Variants in MARCHF4 observed in about 807,000 individuals in gnomAD.
The protein encoded by MARCHF4 is membrane associated ring-CH-type finger 4, also known as E3 ubiquitin-protein ligase MARCHF4.
In MARCHF4, 14 loss-of-function variants were observed where a neutral mutation model predicts 43.9. That is an observed-to-expected ratio of 0.32 (90% CI 0.21 to 0.50). The LOEUF is 0.50. Among genes scored for constraint, MARCHF4 ranks in the 20% least tolerant of loss-of-function variants. MARCHF4 has a pLI of 0.98. For synonymous variants in MARCHF4, 226 were observed against 213.3 expected, an observed-to-expected ratio of 1.06 and a Z score of -0.52; for missense variants, 468 against 536.7, an observed-to-expected ratio of 0.87 and a Z score of 1.27.
At chr2:216,352,428 G>T (rs1410307433) in intron 1 of MARCHF4, among the ~76,000 whole-genome samples, 2 of 152,226 alleles carry the variant, frequency 1.3e-5, no homozygotes, top group Admixed American at 6.5e-5. Context: ...AGAGAAAGGA[G>T]GATGAGTGAG....
At chr2:216,260,663 C>A (rs193189194) in intron 3 of MARCHF4, among the ~76,000 whole-genome samples, 5 of 152,264 alleles carry the variant, frequency 3.3e-5, no homozygotes, top group African/African-American at 1.2e-4. Context: ...GTAAGTTGAG[C>A]AGAGGCCAAT....
intron 1 of MARCHF4, among the ~76,000 whole-genome samples, chr2:216,342,034 G>A (rs539033371): frequency 6.6e-6 from 1 of 152,342 alleles, no homozygotes; most frequent in South Asian, 2.1e-4. Flanking sequence ...CCTCATGGGA[G>A]GAAGCAGCCC....
chr2:216,270,026 C>T (rs946081776), intron 3 of MARCHF4, among the ~76,000 whole-genome samples: 2 of 152,178 alleles, frequency 1.3e-5, no homozygotes, highest in Non-Finnish European at 2.9e-5. Context: ...ACTTCCAAAT[C>T]TGTCTTCAAG....
chr2:216,372,299 C>A lies in MARCHF4; in HGVS notation c.-2039G>T. On this transcript the variant is annotated 5_prime_UTR_variant, in exon 1 of 4. Transcript: ENST00000273067. ...AGCGAGGGAGGCTCTCGGCTATCTC[C>A]GCCGCCGGCGCCGCGGCCGCCGCTG... is the stretch of plus-strand genomic sequence containing the variant. Among the ~76,000 whole-genome samples the A allele has an allele frequency of 6.6e-6, 1 of 152,146 alleles. No individual in the cohort carries two copies.
At chr2:216,305,312 A>G (rs1400392382) in intron 1 of MARCHF4, among the ~76,000 whole-genome samples, 1 of 152,190 alleles carries the variant, frequency 6.6e-6, no homozygotes, top group African/African-American at 2.4e-5. Context: ...GTTCAAGGTT[A>G]TAAGGTATAG....
intron 1 of MARCHF4, among the ~76,000 whole-genome samples, chr2:216,309,603 C>T (rs570221092): frequency 2.1e-4 from 32 of 152,284 alleles, no homozygotes; most frequent in African/African-American, 6.7e-4. Context: ...AGGAGGGCTT[C>T]CCAGGGATTT....
chr2:216,368,554 T>A (rs920715645), intron 1 of MARCHF4, among the ~76,000 whole-genome samples: 1 of 151,942 alleles, frequency 6.6e-6, no homozygotes, highest in Non-Finnish European at 1.5e-5. Context: ...AGCAAGAAAA[T>A]GAATGAAAAT....
chr2:216,321,529 A>G (rs6738469), intron 1 of MARCHF4: 2 of 152,066 alleles, frequency 1.3e-5, no homozygotes, highest in African/African-American at 4.8e-5. Flanking sequence ...GGAAAATGCT[A>G]ATGGAATAAT....
intron 3 of MARCHF4, among the ~76,000 whole-genome samples, chr2:216,276,531 T>C (rs569667643): frequency 6.6e-6 from 1 of 152,338 alleles, no homozygotes; most frequent in South Asian, 2.1e-4. Flanking sequence ...CCCTGGTCTC[T>C]GGCTGCTGCA....
At chr2:216,291,047 A>C (rs146785595) in intron 1 of MARCHF4, among the ~76,000 whole-genome samples, 1 of 152,134 alleles carries the variant, frequency 6.6e-6, no homozygotes, top group Non-Finnish European at 1.5e-5. Context: ...AGATGGTGTT[A>C]AAAGCTGAGT....
chr2:216,289,076 T>G (rs1385378142), intron 1 of MARCHF4, among the ~76,000 whole-genome samples: 2 of 148,422 alleles, frequency 1.3e-5, no homozygotes, highest in African/African-American at 4.9e-5. Context: ...TATTTATTTT[T>G]ATTTATTTAT....
intron 1 of MARCHF4, among the ~76,000 whole-genome samples, chr2:216,366,310 C>T (rs1335807194): frequency 1.3e-5 from 2 of 152,162 alleles, no homozygotes; most frequent in African/African-American, 4.8e-5. Context: ...GGTACATTGT[C>T]CCACAAAGTG....
At chr2:216,325,038 G>A (rs1691966278) in intron 1 of MARCHF4, among the ~76,000 whole-genome samples, 1 of 152,122 alleles carries the variant, frequency 6.6e-6, no homozygotes, top group South Asian at 2.1e-4. Context: ...CCTGTTTGCA[G>A]ACGACATGAC....
chr2:216,316,601 A>C (rs934162644), intron 1 of MARCHF4, among the ~76,000 whole-genome samples: 3 of 152,256 alleles, frequency 2.0e-5, no homozygotes, highest in Non-Finnish European at 4.4e-5. Context: ...GAACTGAGGC[A>C]CAAAAAAATA....
At chr2:216,327,470 A>G (rs1156266398) in intron 1 of MARCHF4, among the ~76,000 whole-genome samples, 1 of 152,120 alleles carries the variant, frequency 6.6e-6, no homozygotes, top group Non-Finnish European at 1.5e-5. Flanking sequence ...ACCTTGGTAC[A>G]GTCATTTTGC....
intron 2 of MARCHF4, among the ~76,000 whole-genome samples, chr2:216,282,527 C>T (rs552958074): frequency 1.3e-5 from 2 of 152,298 alleles, no homozygotes; most frequent in South Asian, 4.1e-4. Context: ...CTGAAGTCCC[C>T]ATCCTCACTC....
At chr2:216,278,215 T>A (rs1412627970) in intron 2 of MARCHF4, among the ~76,000 whole-genome samples, 2 of 142,910 alleles carry the variant, frequency 1.4e-5, no homozygotes, top group Admixed American at 1.4e-4. Flanking sequence ...CCCCAGATGA[T>A]TCTTTTATTT....
At chr2:216,350,481 G>A (rs541818011) in intron 1 of MARCHF4, among the ~76,000 whole-genome samples, 2 of 148,656 alleles carry the variant, frequency 1.3e-5, no homozygotes, top group African/African-American at 5.0e-5. Flanking sequence ...ACCATCATGT[G>A]AGCCACATAA....
intron 3 of MARCHF4, among the ~76,000 whole-genome samples, chr2:216,263,566 AAGAAAGAAAG>A (rs757012120): frequency 3.3e-4 from 50 of 151,544 alleles, no homozygotes; most frequent in Admixed American, 1.1e-3. Context: ...AAGAAAAAGA[AAGAAAGAAAG>A]AGAAAGAAAG....
Sources: gnomAD v4.1 joint callset for allele counts (sites outside exome capture counted in the v4.1 genomes callset) on GRCh38, gnomAD v4.1.1 for gene constraint, MANE v1.5 for transcripts, NCBI Gene and HGNC (gene_info 2026-07-23, HGNC 2026-07-21) for gene names.